NLK: variants seen among roughly 807,000 people sequenced by gnomAD.
The protein encoded by NLK is serine/threonine-protein kinase NLK.
Under a neutral mutation model 59.0 loss-of-function variants are expected in NLK, and 11 were observed. The observed-to-expected ratio is 0.19, with a 90% CI of 0.12 to 0.31. The LOEUF (loss-of-function observed/expected upper bound fraction) is 0.31. NLK is among the 10% of genes least tolerant of loss of function. The pLI, the probability that NLK is intolerant of heterozygous loss-of-function variation, is 1.00. For synonymous variants in NLK, 235 were observed against 235.9 expected (o/e 1.00, Z 0.03); for missense variants, 410 against 661.1 (o/e 0.62, Z 4.16).
intron 5 of NLK, among the ~76,000 whole-genome samples, chr17:28,166,448 T>A (rs1908240317): frequency 6.6e-6 from 1 of 152,232 alleles, no homozygotes. Context: ...GGATAAATTT[T>A]GTTTTCTTTA....
chr17:28,205,464 CAAGAA>C, the NLK span, among the ~76,000 whole-genome samples: 2 of 151,908 alleles, frequency 1.3e-5, no homozygotes, highest in Admixed American at 1.3e-4. Context: ...CAAGAAGAAA[CAAGAA>C]AAGAGAGCCA....
At chr17:28,081,773 C>G (rs1170752227) in intron 1 of NLK, among the ~76,000 whole-genome samples, 1 of 152,210 alleles carries the variant, frequency 6.6e-6, no homozygotes, top group Non-Finnish European at 1.5e-5. Context: ...TTCCCTGTCC[C>G]TAAGAAAATC....
At chr17:28,055,103 T>C (rs1350390758) in intron 1 of NLK, among the ~76,000 whole-genome samples, 1 of 150,778 alleles carries the variant, frequency 6.6e-6, no homozygotes, top group African/African-American at 2.4e-5. Flanking sequence ...TTCTTTTTTT[T>C]TTTTTTTTGA....
intron 5 of NLK, among the ~76,000 whole-genome samples, chr17:28,167,686 C>CAAAA (rs371790122): frequency 1.1e-5 from 1 of 93,916 alleles, no homozygotes. Flanking sequence ...CTCATCCCTA[C>CAAAA]AAAAAAAAAA....
Position 28,043,388 on chromosome 17 carries a change from G to A in NLK, c.458+57G>A, listed in dbSNP as rs929379574. 3.6e-6 allele frequency: 5 copies of A among 1,387,654 alleles called. No individual in the cohort carries two copies. In the African/African-American group the frequency reaches 7.2e-5, roughly 20 times the overall value. 86.0% of individuals were successfully genotyped at this position (1,387,654 alleles called of 1,614,324 possible). A position where few individuals can be genotyped will look rare whatever the true frequency, so the allele number is the denominator to read the frequency against. ...TGGTTTCTTCTGTTGGTTGTCATTGGATGAGTCCATCTCTAATGGTTGTCT... is the reference window on the plus strand; with the variant it reads ...TGGTTTCTTCTGTTGGTTGTCATTGAATGAGTCCATCTCTAATGGTTGTCT... On this transcript the variant is annotated intron_variant, in intron 1 of 10. Coordinates refer to ENST00000407008, the MANE Select transcript of NLK (RefSeq NM_016231.5).
chr17:28,089,096 T>C (rs1447004489), intron 1 of NLK, among the ~76,000 whole-genome samples: 4 of 152,216 alleles, frequency 2.6e-5, no homozygotes, highest in Non-Finnish European at 5.9e-5. Context: ...CAGGTTTAGA[T>C]GATGTAAAGA....
At chr17:28,135,418 A>G (rs1163435259) in intron 3 of NLK, among the ~76,000 whole-genome samples, 1 of 152,222 alleles carries the variant, frequency 6.6e-6, no homozygotes, top group African/African-American at 2.4e-5. Context: ...CCAGAGGTCA[A>G]ACTAATATGG....
intron 3 of NLK, among the ~76,000 whole-genome samples, chr17:28,157,043 G>T (rs935770020): frequency 1.3e-5 from 2 of 152,052 alleles, no homozygotes; most frequent in Admixed American, 6.6e-5. Context: ...TTGAGACAGG[G>T]TCTCACTCTG....
intron 1 of NLK, among the ~76,000 whole-genome samples, chr17:28,100,929 A>C (rs1480607796): frequency 6.6e-6 from 1 of 152,142 alleles, no homozygotes; most frequent in African/African-American, 2.4e-5. Flanking sequence ...TTCTTTTAAT[A>C]ATAGAAATCT....
At chr17:28,110,546 A>T (rs1011092533) in intron 1 of NLK, among the ~76,000 whole-genome samples, 28 of 150,940 alleles carry the variant, frequency 1.9e-4, no homozygotes, top group African/African-American at 6.6e-4. Context: ...ATTTGGAAAT[A>T]TTTCAACCAT....
intron 1 of NLK, among the ~76,000 whole-genome samples, chr17:28,067,189 A>G (rs2142752955): frequency 6.6e-6 from 1 of 152,332 alleles, no homozygotes; most frequent in Non-Finnish European, 1.5e-5. Context: ...GTCATGAAGA[A>G]TTCTGCGTTT....
In NLK at chr17:28,111,200, CGTTT is replaced by C. The variant is rs887757726; in HGVS notation, c.459-11401_459-11398del. Among the ~76,000 whole-genome samples, 89 of 146,874 alleles carry C rather than the reference CGTTT, an allele frequency of 6.1e-4. 1 individual carries two copies. Among genetic ancestry groups the C allele is most frequent in the African/African-American group, 1.9e-3 (76 of 39,764 alleles). ...GTTTCTGTTTGTTCGTTTGTTTGTT[CGTTT>C]GAGACAGAGTCTCGATCTATTGCCC... is the stretch of plus-strand genomic sequence containing the variant. On this transcript the variant is annotated intron_variant, in intron 1 of 10. Transcript: ENST00000407008.
intron 1 of NLK, among the ~76,000 whole-genome samples, chr17:28,086,263 G>A (rs1910513373): frequency 6.6e-6 from 1 of 152,146 alleles, no homozygotes; most frequent in African/African-American, 2.4e-5. Context: ...AAGAAAAACA[G>A]GTTACTAGTT....
At chr17:28,099,350 G>A (rs1044581048) in intron 1 of NLK, among the ~76,000 whole-genome samples, 2 of 151,778 alleles carry the variant, frequency 1.3e-5, no homozygotes, top group South Asian at 2.1e-4. Flanking sequence ...AATTATATAC[G>A]ATCACGGAAC....
At chr17:28,182,590 A>C (rs1007465068) in intron 7 of NLK, among the ~76,000 whole-genome samples, 4 of 152,212 alleles carry the variant, frequency 2.6e-5, no homozygotes, top group Admixed American at 6.5e-5. Flanking sequence ...CAGGAAATTT[A>C]TTTAAGAGTT....
chr17:28,154,872 C>T (rs1216415741), intron 3 of NLK, among the ~76,000 whole-genome samples: 1 of 151,868 alleles, frequency 6.6e-6, no homozygotes, highest in Non-Finnish European at 1.5e-5. Flanking sequence ...CATCTACTAA[C>T]AATACAAAAA....
intron 3 of NLK, among the ~76,000 whole-genome samples, chr17:28,147,245 G>A (rs111288144): frequency 2.6e-5 from 4 of 152,210 alleles, no homozygotes; most frequent in African/African-American, 9.6e-5. Context: ...CAGTCCTGAA[G>A]GCTCTGAGAC....
chr17:28,058,837 C>A lies in NLK; in HGVS notation c.458+15506C>A, dbSNP rs535436948. ...GATGGTGACTCTGAAAGAAGAGTAC[C>A]GTCAGCAGCCAGGCGCCATGGCTTA... is the stretch of plus-strand genomic sequence containing the variant. On this transcript the variant is annotated intron_variant, in intron 1 of 10. Coordinates refer to ENST00000407008, the MANE Select transcript of NLK (RefSeq NM_016231.5). Among the ~76,000 whole-genome samples the A allele has an allele frequency of 3.9e-5, 6 of 152,086 alleles. No individual in the cohort carries two copies. The South Asian group carries it at 8.3e-4, about 21-fold the overall frequency.
chr17:28,077,423 T>C (rs909753804), intron 1 of NLK, among the ~76,000 whole-genome samples: 1 of 152,074 alleles, frequency 6.6e-6, no homozygotes, highest in Non-Finnish European at 1.5e-5. Context: ...GAAACTGCCC[T>C]CATGATTCAA....
Sources: gnomAD v4.1 joint callset for allele counts (sites outside exome capture counted in the v4.1 genomes callset) on GRCh38, gnomAD v4.1.1 for gene constraint, MANE v1.5 for transcripts, NCBI Gene and HGNC (gene_info 2026-07-23, HGNC 2026-07-21) for gene names.